The following CHIC2 variants were observed in gnomAD, a reference collection of about 807,000 sequenced individuals.
CHIC2 encodes the protein cysteine-rich hydrophobic domain-containing protein 2.
Under a neutral mutation model 25.9 loss-of-function variants are expected in CHIC2, and 14 were observed. The observed-to-expected ratio is 0.54, with a 90% CI of 0.36 to 0.85. The LOEUF (loss-of-function observed/expected upper bound fraction) is 0.85, where lower values mean the gene tolerates loss of function less well. Among genes scored for constraint, CHIC2 ranks in the 40% least tolerant of loss-of-function variants. CHIC2 has a pLI of 0.01. For missense variants in CHIC2, 146 were observed against 202.0 expected, an observed-to-expected ratio of 0.72 and a Z score of 1.68; for synonymous variants, 70 against 72.0, an observed-to-expected ratio of 0.97 and a Z score of 0.14.
intron 5 of CHIC2, among the ~76,000 whole-genome samples, chr4:54,013,445 G>A (rs1217189640): frequency 6.6e-6 from 1 of 152,012 alleles, no homozygotes; most frequent in East Asian, 1.9e-4. Context: ...AGCTCCAATG[G>A]CTTGGCTGAA....
chr4:54,031,786 AT>A (rs1406007733), intron 3 of CHIC2, among the ~76,000 whole-genome samples: 2 of 151,736 alleles, frequency 1.3e-5, no homozygotes, highest in African/African-American at 4.8e-5. Flanking sequence ...CGCCCAGCTA[AT>A]TTTTGTATTT....
At chr4:54,083,667 C>A in the CHIC2 span, among the ~76,000 whole-genome samples, 1 of 152,192 alleles carries the variant, frequency 6.6e-6, no homozygotes, top group Admixed American at 6.5e-5. Flanking sequence ...ATTCTCTCCT[C>A]TCCATTCCCA....
the CHIC2 span, among the ~76,000 whole-genome samples, chr4:54,084,355 A>G: frequency 1.3e-5 from 2 of 152,150 alleles, no homozygotes; most frequent in African/African-American, 4.8e-5. Context: ...GATAAGTTTT[A>G]TATTTTGTTG....
intron 1 of CHIC2, among the ~76,000 whole-genome samples, chr4:54,058,549 T>TACACACATACACACACACACAC (rs1176285644): frequency 1.6e-5 from 2 of 126,898 alleles, no homozygotes; most frequent in African/African-American, 2.9e-5. Context: ...CATACACACA[T>TACACACATACACACACACACAC]ACACACACAT....
At chr4:54,080,164 ATATATATATGTGTATATATATGTG>A in the CHIC2 span, among the ~76,000 whole-genome samples, 17 of 148,214 alleles carry the variant, frequency 1.1e-4, no homozygotes, top group Non-Finnish European at 2.1e-4. Context: ...ATGTATGTGT[ATATATATATGTGTATATATATGTG>A]TATATATATG....
chr4:54,065,973 A>C (rs935977983), upstream of CHIC2, among the ~76,000 whole-genome samples: 1 of 152,220 alleles, frequency 6.6e-6, no homozygotes, highest in East Asian at 1.9e-4. Context: ...ACAAATATCT[A>C]CTGAACTCTA....
At chr4:54,074,708 C>G in the CHIC2 span, among the ~76,000 whole-genome samples, 1 of 151,604 alleles carries the variant, frequency 6.6e-6, no homozygotes, top group African/African-American at 2.4e-5. Context: ...AATATGTCTA[C>G]TTTTTGAATT....
intron 3 of CHIC2, among the ~76,000 whole-genome samples, chr4:54,026,117 A>C (rs962350910): frequency 6.6e-6 from 1 of 152,198 alleles, no homozygotes; most frequent in African/African-American, 2.4e-5. Context: ...AAGAAATGTA[A>C]ATCTATACTA....
At chr4:54,069,556 CG>C (rs1717583613), upstream of CHIC2, among the ~76,000 whole-genome samples, 1 of 152,170 alleles carries the variant, frequency 6.6e-6, no homozygotes, top group Non-Finnish European at 1.5e-5. Flanking sequence ...GGCTTCATTA[CG>C]TAGGCATGAT....
chr4:54,038,654 G>T (rs1449007700), intron 3 of CHIC2, among the ~76,000 whole-genome samples: 1 of 152,044 alleles, frequency 6.6e-6, no homozygotes, highest in African/African-American at 2.4e-5. Context: ...AAAGAAATTA[G>T]AACAGCCAAA....
chr4:54,068,519 A>G (rs1163191432), upstream of CHIC2, among the ~76,000 whole-genome samples: 3 of 152,248 alleles, frequency 2.0e-5, no homozygotes, highest in Admixed American at 6.5e-5. Context: ...TATAAGTCAC[A>G]TAGTTTATGA....
At chr4:54,019,220 G>A (rs1279769733) in intron 3 of CHIC2, among the ~76,000 whole-genome samples, 1 of 148,756 alleles carries the variant, frequency 6.7e-6, no homozygotes, top group Non-Finnish European at 1.5e-5. Flanking sequence ...TATGCTACGT[G>A]AAAAGCCTAG....
chr4:54,054,596 G>A (rs1199263145), intron 1 of CHIC2, among the ~76,000 whole-genome samples: 2 of 152,132 alleles, frequency 1.3e-5, no homozygotes, highest in Non-Finnish European at 2.9e-5. Flanking sequence ...ATGTATACTA[G>A]AGAGAGTAGT....
intron 3 of CHIC2, among the ~76,000 whole-genome samples, chr4:54,034,396 C>T (rs1560388180): frequency 1.5e-5 from 2 of 134,958 alleles, no homozygotes; most frequent in African/African-American, 6.1e-5. Context: ...AAGAGCAAAA[C>T]TCTGTCTCAA....
the CHIC2 span, among the ~76,000 whole-genome samples, chr4:54,077,954 G>C: frequency 3.3e-4 from 50 of 152,314 alleles, 1 homozygote; most frequent in Non-Finnish European, 6.2e-4. Context: ...ACATCAGCAT[G>C]TGGTTCTATT....
At chr4:54,064,679 G>T, upstream of CHIC2, 9 of 1,026,112 alleles carry the variant, frequency 8.8e-6, no homozygotes, top group Non-Finnish European at 1.1e-5. This position sits in a 1 kb window ranked among gnomAD's most constrained non-coding sequence, Gnocchi z 4.2. Flanking sequence ...GCCAACGGGC[G>T]GGCGGGCGCG....
At chr4:54,025,736 C>T (rs1033192387) in intron 3 of CHIC2, among the ~76,000 whole-genome samples, 3 of 151,610 alleles carry the variant, frequency 2.0e-5, no homozygotes, top group South Asian at 2.1e-4. Context: ...GTGCTGCACA[C>T]ATGTGGTCCC....
chr4:54,010,000 G>T lies in CHIC2; in HGVS notation c.*95C>A. 3 of 742,828 alleles carry T rather than the reference G, an allele frequency of 4.0e-6. No individual in the cohort carries two copies. Among genetic ancestry groups the T allele is most frequent in the Non-Finnish European group, 6.7e-6 (3 of 448,034 alleles). 46.0% of individuals were successfully genotyped at this position (742,828 alleles called of 1,614,324 possible). ...AACAAAAAAAACACCACACGATTCT[G>T]TAGAACCAATGTTATGTCACCACCA... On this transcript the variant is annotated 3_prime_UTR_variant, in exon 6 of 6. Coordinates refer to ENST00000263921, the MANE Select transcript of CHIC2 (RefSeq NM_012110.4).
At chr4:54,086,859 C>G in the CHIC2 span, 5 of 553,312 alleles carry the variant, frequency 9.0e-6, no homozygotes, top group Admixed American at 1.3e-4. Context: ...CTATAAGAGT[C>G]CTTTTGGGAA....
Sources: allele counts gnomAD v4.1 joint callset (sites outside exome capture counted in the v4.1 genomes callset), GRCh38; gene constraint gnomAD v4.1.1; non-coding constraint Gnocchi (gnomAD v3.1); transcripts MANE v1.5; gene names NCBI Gene and HGNC (gene_info 2026-07-23, HGNC 2026-07-21).